The following CD276 variants were observed in gnomAD, a reference collection of about 807,000 sequenced individuals.
CD276 encodes CD276 molecule.
Under a neutral mutation model 50.0 loss-of-function variants are expected in CD276, and 34 were observed. The observed-to-expected ratio is 0.68, with a 90% CI of 0.52 to 0.91. CD276 has a LOEUF of 0.91. Ranked by LOEUF, CD276 falls within the 40% of genes least tolerant of loss-of-function variation. The pLI is 0.00. For missense variants in CD276, 634 were observed against 717.5 expected (o/e 0.88, Z 1.33); for synonymous variants, 275 against 313.0 (o/e 0.88, Z 1.28).
rs776686900 is a variant in CD276, at chr15:73,703,742, G to A, written c.817G>A (p.Glu273Lys). Residue 273 changes from glutamate to lysine, a missense_variant, in exon 5 of 10, where the codon GAG becomes AAG. Transcript: ENST00000318443. ...DATLRCSFSP[E>K]PGFSLAQLNL... ...CACCCTGCGCTGCTCCTTCTCCCCC[G>A]AGCCTGGCTTCAGCCTGGCACAGCT... 10 of 1,613,318 alleles carry A rather than the reference G, an allele frequency of 6.2e-6. No individual in the cohort carries two copies. The highest frequency in any genetic ancestry group is 2.2e-5 in the East Asian group (1 of 44,866).
rs767540312 is a variant in CD276 at position 73,704,421 on chromosome 15, G to C, written c.1318G>C (p.Val440Leu). The C allele has an allele frequency of 6.2e-6, 10 of 1,613,986 alleles. No individual in the cohort carries two copies. Among genetic ancestry groups the C allele is most frequent in the Middle Eastern group, 1.7e-4 (1 of 6,060 alleles). Residue 440 changes from valine to leucine, a missense_variant, in exon 6 of 10, where the codon GTG becomes CTG. Coordinates refer to ENST00000318443, the MANE Select transcript of CD276 (RefSeq NM_001024736.2). This position sits in a 1 kb window ranked among gnomAD's most constrained non-coding sequence, Gnocchi z 4.1. ...TGCGAATGGCACCTACAGCTGCCTG[G>C]TGCGCAACCCCGTGCTGCAGCAGGA... ...LGANGTYSCLVRNPVLQQDAH... is the reference protein window; with the variant it reads ...LGANGTYSCLLRNPVLQQDAH...
In CD276 at chr15:73,703,973, GCTGCCGTCAGC is replaced by G. The variant is rs1321435591; in HGVS notation, c.1053_1063del (p.Val352GlyfsTer36). 1 of 1,610,080 alleles carries G rather than the reference GCTGCCGTCAGC, an allele frequency of 6.2e-7. No individual in the cohort carries two copies. Among genetic ancestry groups the G allele is most frequent in the East Asian group, 2.2e-5 (1 of 44,862 alleles). On this transcript the variant is annotated frameshift_variant, in exon 5 of 10. Transcript: ENST00000318443. LOFTEE classifies it high-confidence loss of function. ...CGTGAGCATCCGGGATTTCGGCAGC[GCTGCCGTCAGC>G]CTGCAGGTGGCCGGTGAGCACCAGG...
intron 1 of CD276, among the ~76,000 whole-genome samples, chr15:73,693,872 G>A (rs907791462): frequency 1.4e-5 from 2 of 144,240 alleles, no homozygotes. Flanking sequence ...ATCACGGGAG[G>A]GCAAACAGAG....
chr15:73,704,612 C>T lies in CD276; in HGVS notation c.1369+140C>T. The T allele has an allele frequency of 8.8e-7, 1 of 1,135,828 alleles. No individual in the cohort carries two copies. The highest frequency in any genetic ancestry group is 1.2e-6 in the Non-Finnish European group (1 of 814,974). 70.4% of individuals were successfully genotyped at this position (1,135,828 alleles called of 1,614,324 possible). Reference sequence around the variant, plus strand: ...ATAGACTTCAGGTGCTCACACTCTTCCCCACAAGTCCTTAAGGGACTCGAG... The same window carrying T: ...ATAGACTTCAGGTGCTCACACTCTTTCCCACAAGTCCTTAAGGGACTCGAG... On this transcript the variant is annotated intron_variant, in intron 6 of 9. Coordinates refer to ENST00000318443, the MANE Select transcript of CD276 (RefSeq NM_001024736.2). This position sits in a 1 kb window ranked among gnomAD's most constrained non-coding sequence, Gnocchi z 4.1.
intron 1 of CD276, among the ~76,000 whole-genome samples, chr15:73,691,527 G>C (rs189086093): frequency 6.6e-6 from 1 of 152,090 alleles, no homozygotes; most frequent in Non-Finnish European, 1.5e-5. Flanking sequence ...GCTCATTCTC[G>C]AACTAATCAC....
intron 1 of CD276, among the ~76,000 whole-genome samples, chr15:73,694,274 T>G (rs930207915): frequency 2.0e-5 from 3 of 152,242 alleles, no homozygotes; most frequent in Non-Finnish European, 2.9e-5. Context: ...GCCTGGTCAC[T>G]TCTACCCTTG....
intron 1 of CD276, among the ~76,000 whole-genome samples, chr15:73,697,332 C>T (rs1900216231): frequency 6.7e-6 from 1 of 150,136 alleles, no homozygotes; most frequent in Non-Finnish European, 1.5e-5. Context: ...GAGGGACTCC[C>T]TTGGCCCAGC....
chr15:73,698,694 G>T (rs1315951358), intron 1 of CD276, among the ~76,000 whole-genome samples: 2 of 152,132 alleles, frequency 1.3e-5, no homozygotes, highest in African/African-American at 2.4e-5. Context: ...CCAAGTAGCT[G>T]GGATTACAGG....
At chr15:73,702,219 TC>T (rs1229470543) in intron 2 of CD276, 35 bp from the exon 3 acceptor site, 1 of 1,507,626 alleles carries the variant, frequency 6.6e-7, no homozygotes, top group South Asian at 1.3e-5. Flanking sequence ...CCCTCCTCAG[TC>T]CCCCTTATAT....
In CD276 at chr15:73,699,628, C is replaced by T; in HGVS notation, c.-12C>T. 6.2e-7 allele frequency: 1 copy of T among 1,613,396 alleles called. No homozygotes were observed. Among genetic ancestry groups the T allele is most frequent in the Non-Finnish European group, 8.5e-7 (1 of 1,179,836 alleles). On this transcript the variant is annotated 5_prime_UTR_variant, in exon 2 of 10. Transcript: ENST00000318443. ...CCACGGGGAGCCCAGCTGTCAGCCG[C>T]CTCACAGGAAGATGCTGCGTCGGCG...
At chr15:73,703,221 C>T (rs939827562) in intron 4 of CD276, 135 bp downstream of exon 4, 15 of 1,096,326 alleles carry the variant, frequency 1.4e-5, no homozygotes, top group Admixed American at 2.5e-5. Flanking sequence ...AGAAAGATAA[C>T]GGGGAGGTGG....
chr15:73,697,080 G>A (rs1472753226), intron 1 of CD276, among the ~76,000 whole-genome samples: 1 of 152,202 alleles, frequency 6.6e-6, no homozygotes, highest in Non-Finnish European at 1.5e-5. Flanking sequence ...CGCAGGGGTT[G>A]GGCAGGTCCT....
At chr15:73,690,595 T>C in intron 1 of CD276, 1 of 436,716 alleles carries the variant, frequency 2.3e-6, no homozygotes, top group Non-Finnish European at 4.6e-6. Flanking sequence ...ACAGACAGTA[T>C]GGGGGCAGCA....
chr15:73,684,410 G>A lies in CD276; in HGVS notation c.-105G>A, dbSNP rs942744963. On this transcript the variant is annotated 5_prime_UTR_variant, in exon 1 of 10. Transcript: ENST00000318443. Reference sequence around the variant, plus strand: ...TCGGGCCGGGCCTCGCTGCGGCGGCGACTGAGCCAGGCTGGGCCGCGTCCC... The same window carrying A: ...TCGGGCCGGGCCTCGCTGCGGCGGCAACTGAGCCAGGCTGGGCCGCGTCCC... 6.6e-6 allele frequency: 1 copy of A among 151,828 alleles called. No individual in the cohort carries two copies. Among genetic ancestry groups the A allele is most frequent in the Non-Finnish European group, 1.5e-5 (1 of 67,958 alleles). 9.4% of individuals were successfully genotyped at this position (151,828 alleles called of 1,614,324 possible). A position where few individuals can be genotyped will look rare whatever the true frequency, so the allele number is the denominator to read the frequency against.
Position 73,703,099 on chromosome 15 carries a change from A to T in CD276, c.733+13A>T. On this transcript the variant is annotated intron_variant, in intron 4 of 9. Transcript: ENST00000318443. ...AGAAGCCCCACAGGTTGCTTTGCTT[A>T]AATGTCCCCTTGGGGGAGGGGGGTT... The T allele has an allele frequency of 6.4e-7, 1 of 1,567,770 alleles. No individual in the cohort carries two copies. Among genetic ancestry groups the T allele is most frequent in the Non-Finnish European group, 8.7e-7 (1 of 1,153,822 alleles).
intron 2 of CD276, among the ~76,000 whole-genome samples, chr15:73,701,468 A>G (rs1026339891): frequency 2.0e-5 from 3 of 152,122 alleles, no homozygotes; most frequent in African/African-American, 7.2e-5. Context: ...TCTTCAAGTC[A>G]TCTTTGGTCT....
intron 6 of CD276, among the ~76,000 whole-genome samples, chr15:73,706,179 G>A (rs1900644691): frequency 6.6e-6 from 1 of 152,206 alleles, no homozygotes; most frequent in African/African-American, 2.4e-5. Flanking sequence ...GAACCTGGGA[G>A]GCGGAGGTTG....
intron 1 of CD276, 156 bp downstream of exon 1, chr15:73,684,616 C>T (rs1899665356): frequency 6.6e-6 from 1 of 152,338 alleles, no homozygotes; most frequent in South Asian, 2.1e-4. Flanking sequence ...CTGCCCTCCC[C>T]CAGGTCCGGG....
intron 1 of CD276, among the ~76,000 whole-genome samples, chr15:73,689,019 T>G (rs1899874370): frequency 6.6e-6 from 1 of 152,192 alleles, no homozygotes; most frequent in Admixed American, 6.5e-5. Context: ...TGCAGATGTG[T>G]GTGCCCTGGG....
Sources: gnomAD v4.1 joint callset for allele counts (sites outside exome capture counted in the v4.1 genomes callset) on GRCh38, gnomAD v4.1.1 for gene constraint, Gnocchi (gnomAD v3.1) non-coding constraint, MANE v1.5 for transcripts, NCBI Gene and HGNC (gene_info 2026-07-23, HGNC 2026-07-21) for gene names.